STKLD1: variants seen among roughly 807,000 people sequenced by gnomAD.
STKLD1 encodes serine/threonine kinase like domain containing 1.
Under a neutral mutation model 80.4 loss-of-function variants are expected in STKLD1, and 79 were observed. The ratio of observed to expected loss-of-function variants is 0.98; its 90% confidence interval spans 0.82 to 1.19. The LOEUF (loss-of-function observed/expected upper bound fraction) is 1.19, where lower values mean the gene tolerates loss of function less well. Among genes scored for constraint, STKLD1 ranks in the 50% most tolerant of loss-of-function variants. The probability of loss-of-function intolerance (pLI) is 0.00; values close to 1 mark genes in which losing one functional copy is unlikely to be tolerated. For synonymous variants in STKLD1, 393 were observed against 357.6 expected, an observed-to-expected ratio of 1.10 and a Z score of -1.12; for missense variants, 841 against 856.0, an observed-to-expected ratio of 0.98 and a Z score of 0.22.
chr9:133,378,020 T>C (rs946083416), intron 1 of STKLD1, among the ~76,000 whole-genome samples: 1 of 152,144 alleles, frequency 6.6e-6, no homozygotes, highest in African/African-American at 2.4e-5. Flanking sequence ...CCCATGAGAA[T>C]CTAATGCTGC....
At chr9:133,403,585 AC>A in intron 14 of STKLD1, 114 bp from the exon 15 acceptor site, 1 of 1,353,004 alleles carries the variant, frequency 7.4e-7, no homozygotes, top group Non-Finnish European at 1.0e-6. Context: ...GACCTTTCCC[AC>A]CCCATTTCTG....
intron 2 of STKLD1, among the ~76,000 whole-genome samples, chr9:133,380,038 C>A (rs1838096201): frequency 6.7e-6 from 1 of 149,150 alleles, no homozygotes; most frequent in African/African-American, 2.5e-5. Context: ...AGTTAAGGAG[C>A]TTTTTTTTTT....
intron 17 of STKLD1, 137 bp from the exon 18 acceptor site, chr9:133,405,115 T>A (rs1554778464): frequency 1.5e-6 from 2 of 1,315,338 alleles, no homozygotes; most frequent in African/African-American, 3.0e-5. Flanking sequence ...GGGTGACGCT[T>A]GGGGCTCCGG....
At chr9:133,396,358 C>G (rs1838563806) in intron 9 of STKLD1, among the ~76,000 whole-genome samples, 1 of 152,066 alleles carries the variant, frequency 6.6e-6, no homozygotes, top group Non-Finnish European at 1.5e-5. Context: ...TCGCTCGAGC[C>G]CGGGAGGCAG....
intron 17 of STKLD1, 135 bp from the exon 18 acceptor site, chr9:133,405,117 G>T: frequency 7.6e-7 from 1 of 1,317,064 alleles, no homozygotes; most frequent in South Asian, 1.4e-5. Flanking sequence ...GTGACGCTTG[G>T]GGCTCCGGAA....
chr9:133,398,337 GTTGT>G (rs1554777024), intron 11 of STKLD1, among the ~76,000 whole-genome samples: 2 of 152,210 alleles, frequency 1.3e-5, no homozygotes, highest in African/African-American at 4.8e-5. Context: ...GGGTATCTGA[GTTGT>G]TTCTCAGTTT....
At position 133,381,678 on chromosome 9, in the gene STKLD1, A is replaced by G. The variant is rs1251930215; in HGVS notation, c.175-2178A>G. 3.6e-3 allele frequency among the ~76,000 whole-genome samples: 458 copies of G among 127,742 alleles called. No individual in the cohort carries two copies. In the Middle Eastern group the frequency reaches 0.055, roughly 15 times the overall value. The allele number at this position is 127,742 out of a possible 152,430, so 83.8% of individuals were successfully genotyped here. A position where few individuals can be genotyped will look rare whatever the true frequency, so the allele number is the denominator to read the frequency against. ...TTGGTCAGGCTGGTCTCGAACTCCCAACCTCAGGTGATCCGCCTGCCTCGG... is the reference window on the plus strand; with the variant it reads ...TTGGTCAGGCTGGTCTCGAACTCCCGACCTCAGGTGATCCGCCTGCCTCGG... On this transcript the variant is annotated intron_variant, in intron 2 of 17. Transcript: ENST00000371957.
rs782585157 is a variant in STKLD1, at chr9:133,402,899, A to G, written c.1361A>G (p.Glu454Gly). The G allele has an allele frequency of 2.4e-5, 39 of 1,593,238 alleles. No homozygotes were observed. The highest frequency in any genetic ancestry group is 2.0e-4 in the African/African-American group (15 of 74,448). The change falls in exon 14 of 18, where the codon GAG becomes GGG. Residue 454 changes from glutamate (E) to glycine (G), a missense_variant. Physicochemically the swap from Glu to Gly is moderately conservative, Grantham distance 98. Coordinates refer to ENST00000371957, the MANE Select transcript of STKLD1 (RefSeq NM_153710.5). Reference sequence around the variant, plus strand: ...ACAGAGTCAGAGTCACTGTCAGAGGAGCTGCAGAATGCTGGGCTGCTGGAG... The same window carrying G: ...ACAGAGTCAGAGTCACTGTCAGAGGGGCTGCAGAATGCTGGGCTGCTGGAG... The part of the protein sequence containing the change: ...TTQESESLSE[E>G]LQNAGLLEHI...
chr9:133,388,890 C>A (rs1348665529), intron 5 of STKLD1: 33 of 985,262 alleles, frequency 3.3e-5, no homozygotes, highest in Non-Finnish European at 3.7e-5. Context: ...GTGAGTGAAG[C>A]CCTTCAAAAC....
chr9:133,400,428 C>G lies in STKLD1; in HGVS notation c.1097C>G (p.Pro366Arg). ...PADQLGLPWPPELVEVVVTTM... is the reference protein window; with the variant it reads ...PADQLGLPWPRELVEVVVTTM... The stretch of plus-strand genomic sequence containing the variant: ...GCCCTGCCAGGTCTGCCGTGGCCCC[C>G]GGAGCTGGTGGAGGTGGTGGTCACG... The change falls in exon 12 of 18, where the codon CCG (proline) becomes CGG (arginine). Residue 366 changes from proline (P) to arginine (R), a missense_variant. Transcript: ENST00000371957. 6.2e-7 allele frequency: 1 copy of G among 1,612,806 alleles called. No individual in the cohort carries two copies.
chr9:133,405,249 C>A lies in STKLD1; in HGVS notation c.1874-3C>A. ...CCTCAGGACCTTCCTGCTCCACCTG[C>A]AGAGGAGATCCTGCCGGAGCTGGTG... On this transcript the variant is annotated splice_region_variant and splice_polypyrimidine_tract_variant and intron_variant, in intron 17 of 17. Coordinates refer to ENST00000371957, the MANE Select transcript of STKLD1 (RefSeq NM_153710.5). The A allele has an allele frequency of 6.3e-7, 1 of 1,598,822 alleles. No individual in the cohort carries two copies. The highest frequency in any genetic ancestry group is 8.5e-7 in the Non-Finnish European group (1 of 1,171,830).
Position 133,394,386 on chromosome 9 carries a change from A to G in STKLD1, c.679A>G (p.Met227Val), listed in dbSNP as rs782405640. 5.0e-6 allele frequency: 8 copies of G among 1,613,510 alleles called. No individual in the cohort carries two copies. In the East Asian group the frequency reaches 1.6e-4, roughly 31 times the overall value. The change falls in exon 8 of 18, where the codon ATG becomes GTG. Residue 227 changes from methionine (M) to valine (V), a missense_variant. By Grantham distance (21) the Met-to-Val change is conservative (BLOSUM62 1). Transcript: ENST00000371957. The surrounding 1 kb of genome is among the most constrained non-coding windows in gnomAD (Gnocchi z 4.9). ...GTCCCTGGGCTGCATCATTCTGGAC[A>G]TGACCAGCTGCTCCTTCATGGATGT... ...IWSLGCIILDMTSCSFMDGTE... is the reference protein window; with the variant it reads ...IWSLGCIILDVTSCSFMDGTE...
In STKLD1 at chr9:133,402,973, G is replaced by A. The variant is rs782533878; in HGVS notation, c.1435G>A (p.Ala479Thr). The A allele has an allele frequency of 3.2e-5, 50 of 1,578,434 alleles. No homozygotes were observed. The South Asian group carries it at 3.8e-4, about 12-fold the overall frequency. ...CTCCCTCGAAAGCAGGGACGTCTGC[G>A]CCAGCGGCCTGGGCCTGCTCTGGGC... ...NSSLESRDVC[A>T]SGLGLLWALL... Residue 479 changes from alanine to threonine, a missense_variant, in exon 14 of 18, where the codon GCC becomes ACC. Physicochemically the swap from Ala to Thr is moderately conservative, Grantham distance 58. Transcript: ENST00000371957.
At chr9:133,404,189 G>T in intron 16 of STKLD1, 141 bp downstream of exon 16, 1 of 1,101,470 alleles carries the variant, frequency 9.1e-7, no homozygotes, top group South Asian at 1.7e-5. Context: ...ACGATCTGAA[G>T]TCCAGTCATC....
At chr9:133,379,400 C>T (rs2130260943) in intron 2 of STKLD1, among the ~76,000 whole-genome samples, 2 of 152,234 alleles carry the variant, frequency 1.3e-5, no homozygotes, top group Admixed American at 6.5e-5. Flanking sequence ...CTTCATCTCC[C>T]GTCAACCCTG....
At chr9:133,400,299 A>C in intron 11 of STKLD1, 114 bp from the exon 12 acceptor site, 1 of 730,330 alleles carries the variant, frequency 1.4e-6, no homozygotes, top group Non-Finnish European at 2.4e-6. Flanking sequence ...TCCCCCTTCT[A>C]TTCACCCACC....
intron 7 of STKLD1, chr9:133,393,974 G>A (rs587634270): frequency 2.9e-5 from 9 of 305,430 alleles, no homozygotes; most frequent in Admixed American, 2.3e-4. Flanking sequence ...TTCTTGGCAC[G>A]TGCCTCTTCC....
chr9:133,405,537 TA>T lies in STKLD1; in HGVS notation c.*118del. The T allele has an allele frequency of 9.7e-7, 1 of 1,026,384 alleles. No homozygotes were observed. Among genetic ancestry groups the T allele is most frequent in the Non-Finnish European group, 1.4e-6 (1 of 731,384 alleles). 63.6% of individuals were successfully genotyped at this position (1,026,384 alleles called of 1,614,324 possible). ...CAAAATCAATCTTAAACGGGAGGGG[TA>T]ATCAGACCTCTCCAAAGAGTTTCCT... is the stretch of plus-strand genomic sequence containing the variant. On this transcript the variant is annotated 3_prime_UTR_variant, in exon 18 of 18. Transcript: ENST00000371957.
At chr9:133,393,383 G>A (rs1053126999) in intron 7 of STKLD1, among the ~76,000 whole-genome samples, 1 of 147,718 alleles carries the variant, frequency 6.8e-6, no homozygotes, top group South Asian at 2.2e-4. Context: ...TAGATGGGTA[G>A]GTGAGTAGAT....
Sources: allele counts gnomAD v4.1 joint callset (sites outside exome capture counted in the v4.1 genomes callset), GRCh38; gene constraint gnomAD v4.1.1; non-coding constraint Gnocchi (gnomAD v3.1); transcripts MANE v1.5; gene names NCBI Gene and HGNC (gene_info 2026-07-23, HGNC 2026-07-21).